HDAC9: variants seen among roughly 807,000 people sequenced by gnomAD.
HDAC9 encodes the protein histone deacetylase 9, also known as MEF-2 interacting transcription repressor (MITR) protein.
Under a neutral mutation model 139.4 loss-of-function variants are expected in HDAC9, and 41 were observed. The ratio of observed to expected loss-of-function variants is 0.29; its 90% CI spans 0.23 to 0.38. HDAC9 has a LOEUF of 0.38. HDAC9 is among the 10% of genes least tolerant of loss of function. The pLI is 1.00. For missense variants in HDAC9, 1,147 were observed against 1,297.0 expected (o/e 0.88, Z 1.78); for synonymous variants, 517 against 476.2 (o/e 1.09, Z -1.12).
chr7:18,108,833 G>A (rs1342501589), intron 1 of HDAC9, among the ~76,000 whole-genome samples: 1 of 151,990 alleles, frequency 6.6e-6, no homozygotes, highest in East Asian at 1.9e-4. Context: ...TGTTGGTCAG[G>A]TTGGTCTCGA....
At chr7:18,703,389 T>A (rs1295029076) in intron 12 of HDAC9, among the ~76,000 whole-genome samples, 2 of 152,158 alleles carry the variant, frequency 1.3e-5, no homozygotes, top group African/African-American at 4.8e-5. Context: ...ATTAATTTTT[T>A]AAATTAAATA....
At chr7:18,143,085 C>G (rs1384743764) in intron 1 of HDAC9, among the ~76,000 whole-genome samples, 1 of 152,184 alleles carries the variant, frequency 6.6e-6, no homozygotes, top group Non-Finnish European at 1.5e-5. Flanking sequence ...ACTCCATCCC[C>G]TGCTGCTTCA....
intron 1 of HDAC9, among the ~76,000 whole-genome samples, chr7:18,424,053 A>T (rs533322911): frequency 6.6e-6 from 1 of 152,320 alleles, no homozygotes; most frequent in East Asian, 1.9e-4. Context: ...ATATGCAGTA[A>T]TTTTATATTC....
In HDAC9 at chr7:18,458,279, A is replaced by G. The variant is rs113108862; in HGVS notation, c.-41-37983A>G. Among the ~76,000 whole-genome samples, 1,186 of 152,346 alleles carry G rather than the reference A, an allele frequency of 7.8e-3. 15 individuals carry two copies. Among genetic ancestry groups the G allele is most frequent in the African/African-American group, 0.027 (1,122 of 41,584 alleles). On this transcript the variant is annotated intron_variant, in intron 1 of 3. Coordinates refer to the HDAC9 transcript ENST00000413509. ...GAAAACCTGAACTAGGCAGCATTATATCTAATGAGCAAGAGGAGAGCTCTT... is the reference window on the plus strand; with the variant it reads ...GAAAACCTGAACTAGGCAGCATTATGTCTAATGAGCAAGAGGAGAGCTCTT...
At chr7:18,863,047 A>C (rs1405424085) in intron 21 of HDAC9, among the ~76,000 whole-genome samples, 2 of 152,120 alleles carry the variant, frequency 1.3e-5, no homozygotes, top group African/African-American at 4.8e-5. Flanking sequence ...GTGTCTGGAG[A>C]GATTTGGAAC....
At chr7:18,140,600 C>T (rs1271158053) in intron 1 of HDAC9, among the ~76,000 whole-genome samples, 1 of 152,072 alleles carries the variant, frequency 6.6e-6, no homozygotes, top group Non-Finnish European at 1.5e-5. Flanking sequence ...TTCTTTTTAG[C>T]TGTGCAGTTA....
chr7:18,118,011 T>A (rs1784120141), intron 1 of HDAC9, among the ~76,000 whole-genome samples: 1 of 152,194 alleles, frequency 6.6e-6, no homozygotes, highest in Admixed American at 6.5e-5. Flanking sequence ...CAGATCTCTC[T>A]GAGTCTCATT....
At chr7:18,388,321 C>G (rs189866347) in intron 1 of HDAC9, among the ~76,000 whole-genome samples, 1 of 152,296 alleles carries the variant, frequency 6.6e-6, no homozygotes, top group Admixed American at 6.5e-5. Context: ...TCTGAAGTAG[C>G]TGGTAGGGAA....
chr7:18,801,863 C>A (rs907308263), intron 17 of HDAC9, among the ~76,000 whole-genome samples: 2 of 151,832 alleles, frequency 1.3e-5, no homozygotes, highest in African/African-American at 4.8e-5. Flanking sequence ...TCATATGAAT[C>A]CGTTCATAAT....
chr7:18,907,437 T>G (rs1802362481), intron 22 of HDAC9, among the ~76,000 whole-genome samples: 1 of 152,238 alleles, frequency 6.6e-6, no homozygotes, highest in African/African-American at 2.4e-5. Context: ...GGGCACATTA[T>G]AAGATGCTAT....
At chr7:18,945,107 T>C (rs1782282849) in intron 23 of HDAC9, among the ~76,000 whole-genome samples, 1 of 152,238 alleles carries the variant, frequency 6.6e-6, no homozygotes, top group Non-Finnish European at 1.5e-5. Flanking sequence ...TGTGTTTAAA[T>C]GTGTTTTCCA....
At chr7:18,597,960 T>C (rs985019246) in intron 6 of HDAC9, among the ~76,000 whole-genome samples, 15 of 152,156 alleles carry the variant, frequency 9.9e-5, no homozygotes, top group Admixed American at 3.9e-4. Context: ...GGAAGGCCAG[T>C]ATCATTTTCC....
At chr7:18,384,625 G>A (rs1042851020) in intron 1 of HDAC9, among the ~76,000 whole-genome samples, 1 of 152,050 alleles carries the variant, frequency 6.6e-6, no homozygotes, top group African/African-American at 2.4e-5. Context: ...GAGATTCAGG[G>A]AGAGCAAGTA....
chr7:18,605,732 A>G (rs893392863), intron 6 of HDAC9, among the ~76,000 whole-genome samples: 1 of 151,878 alleles, frequency 6.6e-6, no homozygotes, highest in Non-Finnish European at 1.5e-5. Context: ...CCAGGCTGGA[A>G]TGCAGTGGCA....
Position 18,554,627 on chromosome 7 carries a change from G to A in HDAC9, c.23-30654G>A, listed in dbSNP as rs183255561. Among the ~76,000 whole-genome samples, 1,410 of 152,234 alleles carry A rather than the reference G, an allele frequency of 9.3e-3. 7 individuals carry two copies. The highest frequency in any genetic ancestry group is 0.014 in the Non-Finnish European group (927 of 68,004). On this transcript the variant is annotated intron_variant, in intron 2 of 25. Coordinates refer to ENST00000686413, the MANE Select transcript of HDAC9 (RefSeq NM_178425.4). ...TGGGATTACAGGCGTGAGCCACCGC[G>A]CCCAGCCCAGATCACTCTTGAAGAT...
chr7:18,753,201 T>C (rs1221960508), intron 14 of HDAC9, among the ~76,000 whole-genome samples: 3 of 152,084 alleles, frequency 2.0e-5, no homozygotes, highest in African/African-American at 4.8e-5. Flanking sequence ...AAATACACAA[T>C]TACAAATTTC....
At chr7:18,400,083 A>G (rs1787398645) in intron 1 of HDAC9, among the ~76,000 whole-genome samples, 1 of 152,130 alleles carries the variant, frequency 6.6e-6, no homozygotes, top group South Asian at 2.1e-4. Flanking sequence ...TCTTTCTTTT[A>G]TGATTTCTAT....
chr7:18,989,832 C>T (rs1785716771), intron 25 of HDAC9, among the ~76,000 whole-genome samples: 2 of 140,362 alleles, frequency 1.4e-5, no homozygotes, highest in South Asian at 5.0e-4. Context: ...ACCCTTTCTT[C>T]CAGTTGATCG....
intron 2 of HDAC9, among the ~76,000 whole-genome samples, chr7:18,236,396 T>G (rs112960790): frequency 2.1e-4 from 32 of 152,278 alleles, no homozygotes; most frequent in African/African-American, 7.7e-4. Flanking sequence ...AGAGAAGGCA[T>G]GAGTGTCTTA....
Sources: allele counts gnomAD v4.1 joint callset (sites outside exome capture counted in the v4.1 genomes callset), GRCh38; gene constraint gnomAD v4.1.1; transcripts MANE v1.5; gene names NCBI Gene and HGNC (gene_info 2026-07-23, HGNC 2026-07-21).